Variants in PRKCE observed in about 807,000 individuals in gnomAD.
PRKCE encodes protein kinase C epsilon, also known as protein kinase C epsilon type.
A neutral mutation model predicts 85.4 loss-of-function variants in PRKCE; 16 were observed. The observed-to-expected ratio is 0.19, with a 90% CI of 0.13 to 0.28. The LOEUF (loss-of-function observed/expected upper bound fraction) is 0.28. Among genes scored for constraint, PRKCE ranks in the 10% least tolerant of loss-of-function variants. PRKCE has a pLI of 1.00. For synonymous variants in PRKCE, 388 were observed against 371.5 expected (o/e 1.04, Z -0.51); for missense variants, 573 against 975.2 (o/e 0.59, Z 5.49).
chr2:45,845,541 A>G (rs796691376), intron 2 of PRKCE: 4 of 152,284 alleles, frequency 2.6e-5, no homozygotes, highest in African/African-American at 4.8e-5. Flanking sequence ...AAAAAAATAC[A>G]TTCATGGGAA....
At chr2:46,143,511 C>T (rs1283970212) in intron 11 of PRKCE, among the ~76,000 whole-genome samples, 1 of 152,104 alleles carries the variant, frequency 6.6e-6, no homozygotes, top group Non-Finnish European at 1.5e-5. Flanking sequence ...ATTAGTCCTT[C>T]AAATAAGCCT....
chr2:45,809,613 G>A (rs1218713653), intron 1 of PRKCE, among the ~76,000 whole-genome samples: 1 of 151,956 alleles, frequency 6.6e-6, no homozygotes, highest in Non-Finnish European at 1.5e-5. Context: ...GTCGGGCACG[G>A]TGGCTCATGC....
intron 1 of PRKCE, among the ~76,000 whole-genome samples, chr2:45,726,197 A>G (rs1283953342): frequency 6.6e-6 from 1 of 152,248 alleles, no homozygotes; most frequent in Non-Finnish European, 1.5e-5. Flanking sequence ...TTAGAATATT[A>G]CATTCACTGA....
At chr2:45,837,753 A>G (rs187640363) in intron 1 of PRKCE, among the ~76,000 whole-genome samples, 1 of 152,290 alleles carries the variant, frequency 6.6e-6, no homozygotes, top group African/African-American at 2.4e-5. Flanking sequence ...CCACGCCTGT[A>G]ATCCCAGCAC....
intron 1 of PRKCE, among the ~76,000 whole-genome samples, chr2:45,671,110 C>A (rs953260876): frequency 2.6e-5 from 4 of 152,212 alleles, no homozygotes; most frequent in African/African-American, 9.6e-5. Context: ...AATGCAGCAT[C>A]TTTGGAAGAT....
At chr2:46,055,551 C>G (rs1666494336) in intron 10 of PRKCE, among the ~76,000 whole-genome samples, 1 of 152,204 alleles carries the variant, frequency 6.6e-6, no homozygotes, top group African/African-American at 2.4e-5. Context: ...AACTTTGATT[C>G]TTTTATACCC....
At chr2:45,894,054 C>T (rs1361985773) in intron 2 of PRKCE, among the ~76,000 whole-genome samples, 1 of 152,156 alleles carries the variant, frequency 6.6e-6, no homozygotes, top group Non-Finnish European at 1.5e-5. Context: ...ATAGGAGGCA[C>T]CCAAACACTG....
intron 1 of PRKCE, among the ~76,000 whole-genome samples, chr2:45,779,848 A>G (rs916803263): frequency 2.1e-4 from 32 of 152,230 alleles, no homozygotes; most frequent in Non-Finnish European, 3.1e-4. Flanking sequence ...AATATATCAC[A>G]GTCATCTTTT....
chr2:45,673,008 C>T (rs747454908), intron 1 of PRKCE, among the ~76,000 whole-genome samples: 20 of 152,182 alleles, frequency 1.3e-4, no homozygotes, highest in Admixed American at 9.8e-4. Context: ...GCCTGGGCAG[C>T]AGAGCAACAG....
At chr2:46,000,653 C>T (rs989052436) in intron 6 of PRKCE, among the ~76,000 whole-genome samples, 4 of 151,814 alleles carry the variant, frequency 2.6e-5, no homozygotes, top group South Asian at 2.1e-4. Flanking sequence ...CTGAAGAGCA[C>T]GACTCTCAAC....
At chr2:46,093,449 A>G (rs1387079340) in intron 11 of PRKCE, among the ~76,000 whole-genome samples, 1 of 151,960 alleles carries the variant, frequency 6.6e-6, no homozygotes, top group African/African-American at 2.4e-5. Flanking sequence ...CCTTCCAAAG[A>G]AGCAACCACA....
chr2:45,708,268 T>C (rs1679291744), intron 1 of PRKCE, among the ~76,000 whole-genome samples: 2 of 152,220 alleles, frequency 1.3e-5, no homozygotes, highest in Admixed American at 6.5e-5. Context: ...AGATGGCTTA[T>C]GTGTCCACCA....
In PRKCE at chr2:45,772,851, C is replaced by T. The variant is rs1217094704; in HGVS notation, c.349-70149C>T. 2.0e-5 allele frequency among the ~76,000 whole-genome samples: 3 copies of T among 152,188 alleles called. No individual in the cohort carries two copies. The East Asian group carries it at 5.8e-4, about 29-fold the overall frequency. ...CCCATTCTTAGCATGGAAAGGCATG[C>T]TGCATGAACCCTGAGACTATGTGCT... is the stretch of plus-strand genomic sequence containing the variant. On this transcript the variant is annotated intron_variant, in intron 1 of 14. Coordinates refer to ENST00000306156, the MANE Select transcript of PRKCE (RefSeq NM_005400.3).
At chr2:45,833,775 A>C (rs777930911) in intron 1 of PRKCE, among the ~76,000 whole-genome samples, 1 of 152,254 alleles carries the variant, frequency 6.6e-6, no homozygotes, top group Non-Finnish European at 1.5e-5. Context: ...AAAATGCAAA[A>C]TGTGAAATGC....
At chr2:46,154,343 A>G (rs1344239070) in intron 13 of PRKCE, among the ~76,000 whole-genome samples, 1 of 151,816 alleles carries the variant, frequency 6.6e-6, no homozygotes, top group Non-Finnish European at 1.5e-5. Context: ...TCCAAATTCA[A>G]TGTGTGTTCT....
At chr2:45,965,522 G>A (rs1322785265) in intron 2 of PRKCE, among the ~76,000 whole-genome samples, 1 of 152,216 alleles carries the variant, frequency 6.6e-6, no homozygotes, top group Non-Finnish European at 1.5e-5. Flanking sequence ...TAGCTTCTGT[G>A]AGGAGCACCT....
chr2:46,003,164 T>C (rs1704847625), intron 7 of PRKCE, among the ~76,000 whole-genome samples: 1 of 151,998 alleles, frequency 6.6e-6, no homozygotes, highest in Admixed American at 6.6e-5. Context: ...CTATGAGAGG[T>C]TGGGAGAGGA....
intron 2 of PRKCE, among the ~76,000 whole-genome samples, chr2:45,963,836 C>G (rs905134941): frequency 2.8e-5 from 3 of 107,580 alleles, no homozygotes; most frequent in Non-Finnish European, 6.3e-5. Context: ...TTAGCAAGTG[C>G]TCAAAACTGC....
Position 45,981,104 on chromosome 2 carries a change from G to C in PRKCE, c.693+723G>C, listed in dbSNP as rs528208464. On this transcript the variant is annotated intron_variant, in intron 5 of 14. Coordinates refer to ENST00000306156, the MANE Select transcript of PRKCE (RefSeq NM_005400.3). Reference sequence around the variant, plus strand: ...AAACTAGCATCAGATTGCCTAGTTTGGTAGAGGTAAGGAAGCAGGAAAATG... The same window carrying C: ...AAACTAGCATCAGATTGCCTAGTTTCGTAGAGGTAAGGAAGCAGGAAAATG... Among the ~76,000 whole-genome samples the C allele has an allele frequency of 3.3e-5, 5 of 152,272 alleles. No homozygotes were observed. In the East Asian group the frequency reaches 9.7e-4, roughly 29 times the overall value.
Sources: gnomAD v4.1 joint callset for allele counts (sites outside exome capture counted in the v4.1 genomes callset) on GRCh38, gnomAD v4.1.1 for gene constraint, MANE v1.5 for transcripts, NCBI Gene and HGNC (gene_info 2026-07-23, HGNC 2026-07-21) for gene names.